The following SREK1IP1 variants were observed in gnomAD, a reference collection of about 807,000 sequenced individuals.
SREK1IP1 encodes SREK1 interacting protein 1.
Under a neutral mutation model 22.8 loss-of-function variants are expected in SREK1IP1, and 12 were observed. That is an observed-to-expected ratio of 0.53 (90% CI 0.34 to 0.85). The LOEUF is 0.85. Ranked by LOEUF, SREK1IP1 falls within the 40% of genes least tolerant of loss-of-function variation. SREK1IP1 has a pLI of 0.02. For synonymous variants in SREK1IP1, 53 were observed against 52.7 expected (o/e 1.01, Z -0.02); for missense variants, 147 against 171.8 (o/e 0.86, Z 0.81).
chr5:64,744,612 C>A (rs1375034818), intron 2 of SREK1IP1, among the ~76,000 whole-genome samples: 1 of 152,174 alleles, frequency 6.6e-6, no homozygotes, highest in Non-Finnish European at 1.5e-5. Flanking sequence ...AGTGGAATAT[C>A]AGCAATGTTC....
rs1742118807 is a variant in SREK1IP1 at position 64,719,427 on chromosome 5, A to C, written c.*4957T>G. On this transcript the variant is annotated 3_prime_UTR_variant, in exon 5 of 5. Transcript: ENST00000513458. ...ATTTTACACGGCCATAAAAACAAAGAATTTTCACTTATTTTTTGTGAAAGT... is the reference window on the plus strand; with the variant it reads ...ATTTTACACGGCCATAAAAACAAAGCATTTTCACTTATTTTTTGTGAAAGT... 6.6e-6 allele frequency: 1 copy of C among 152,194 alleles called. No individual in the cohort carries two copies. Among genetic ancestry groups the C allele is most frequent in the Non-Finnish European group, 1.5e-5 (1 of 68,030 alleles). The allele number at this position is 152,194 out of a possible 1,614,324, so 9.4% of individuals were successfully genotyped here. A position where few individuals can be genotyped will look rare whatever the true frequency, so the allele number is the denominator to read the frequency against.
chr5:64,739,650 C>T (rs1436413114), intron 3 of SREK1IP1, among the ~76,000 whole-genome samples: 7 of 152,122 alleles, frequency 4.6e-5, no homozygotes, highest in African/African-American at 1.7e-4. Flanking sequence ...AACTCAGTTT[C>T]TTTGCCCTTG....
Position 64,722,197 on chromosome 5 carries a change from A to G in SREK1IP1, c.*2187T>C, listed in dbSNP as rs1347955870. The stretch of plus-strand genomic sequence containing the variant: ...TATGGGAAATTTACTTAGAAATGCC[A>G]ACATCATTTCTGGGGGGAAAATTAC... On this transcript the variant is annotated 3_prime_UTR_variant, in exon 5 of 5. Coordinates refer to ENST00000513458, the MANE Select transcript of SREK1IP1 (RefSeq NM_173829.4). 1 of 152,192 alleles carries G rather than the reference A, an allele frequency of 6.6e-6. No individual in the cohort carries two copies. Among genetic ancestry groups the G allele is most frequent in the Non-Finnish European group, 1.5e-5 (1 of 68,030 alleles). 9.4% of individuals were successfully genotyped at this position (152,192 alleles called of 1,614,324 possible).
rs188829632 is a variant in SREK1IP1, at chr5:64,759,774, A to G, written c.14-5412T>C. Among the ~76,000 whole-genome samples the G allele has an allele frequency of 4.5e-3, 684 of 152,338 alleles. 4 individuals carry two copies. The highest frequency in any genetic ancestry group is 7.1e-3 in the Non-Finnish European group (485 of 68,040). The stretch of plus-strand genomic sequence containing the variant: ...TGCTCAGTCTTACTTAAAACAGGTA[A>G]AATGTACACTAAAAACTATACTGGG... On this transcript the variant is annotated intron_variant, in intron 1 of 4. Coordinates refer to ENST00000513458, the MANE Select transcript of SREK1IP1 (RefSeq NM_173829.4).
intron 2 of SREK1IP1, among the ~76,000 whole-genome samples, chr5:64,746,187 C>G (rs6449752): frequency 0.067 from 10,145 of 152,060 alleles, 1,108 homozygotes; most frequent in African/African-American, 0.23. Context: ...TGTAGTTGGA[C>G]CCCTCACCTC....
chr5:64,768,690 A>G lies in SREK1IP1; in HGVS notation c.-173T>C. ...CCTCTAGCGACGGCAGAACCAGTAGATGCGGATGCAGTTTCCGGACGAGTC... is the reference window on the plus strand; with the variant it reads ...CCTCTAGCGACGGCAGAACCAGTAGGTGCGGATGCAGTTTCCGGACGAGTC... On this transcript the variant is annotated 5_prime_UTR_variant, in exon 1 of 5. Transcript: ENST00000513458. 1 of 767,004 alleles carries G rather than the reference A, an allele frequency of 1.3e-6. No homozygotes were observed. The highest frequency in any genetic ancestry group is 2.2e-6 in the Non-Finnish European group (1 of 463,518). 47.5% of individuals were successfully genotyped at this position (767,004 alleles called of 1,614,324 possible). A position where few individuals can be genotyped will look rare whatever the true frequency, so the allele number is the denominator to read the frequency against.
At chr5:64,764,142 A>G (rs1334578431) in intron 1 of SREK1IP1, among the ~76,000 whole-genome samples, 1 of 152,198 alleles carries the variant, frequency 6.6e-6, no homozygotes, top group African/African-American at 2.4e-5. Context: ...AGCTTTAAAA[A>G]AAAAATCACA....
chr5:64,722,518 A>G lies in SREK1IP1; in HGVS notation c.*1866T>C, dbSNP rs1260305536. 1 of 152,186 alleles carries G rather than the reference A, an allele frequency of 6.6e-6. No homozygotes were observed. The highest frequency in any genetic ancestry group is 1.5e-5 in the Non-Finnish European group (1 of 68,038). 9.4% of individuals were successfully genotyped at this position (152,186 alleles called of 1,614,324 possible). Reference sequence around the variant, plus strand: ...TAGTCAAGTCAAGCAGTGGGAGTAAAGAAACACCACTGCACTTGTGCCAGC... The same window carrying G: ...TAGTCAAGTCAAGCAGTGGGAGTAAGGAAACACCACTGCACTTGTGCCAGC... On this transcript the variant is annotated 3_prime_UTR_variant, in exon 5 of 5. Coordinates refer to ENST00000513458, the MANE Select transcript of SREK1IP1 (RefSeq NM_173829.4).
intron 3 of SREK1IP1, among the ~76,000 whole-genome samples, chr5:64,737,786 A>G (rs146425717): frequency 1.8e-4 from 28 of 152,282 alleles, no homozygotes; most frequent in African/African-American, 6.5e-4. Flanking sequence ...ATATAACTAT[A>G]TAAGAGAATA....
At chr5:64,756,123 G>C (rs1376125409) in intron 1 of SREK1IP1, among the ~76,000 whole-genome samples, 2 of 152,006 alleles carry the variant, frequency 1.3e-5, no homozygotes, top group African/African-American at 4.8e-5. Flanking sequence ...ATAGATACCA[G>C]AGACAAATTA....
chr5:64,728,146 TTTTC>T lies in SREK1IP1; in HGVS notation c.235_238del (p.Glu79LysfsTer8). ...TTTCAATTTGATTTTTTCTTTGCTT[TTTTC>T]TTTCTTCTTTTCCTCTTCTTCATTT... On this transcript the variant is annotated frameshift_variant, in exon 4 of 5. Coordinates refer to ENST00000513458, the MANE Select transcript of SREK1IP1 (RefSeq NM_173829.4). LOFTEE classifies it high-confidence loss of function. 1 of 1,442,114 alleles carries T rather than the reference TTTTC, an allele frequency of 6.9e-7. No homozygotes were observed. The highest frequency in any genetic ancestry group is 9.2e-7 in the Non-Finnish European group (1 of 1,092,208). 89.3% of individuals were successfully genotyped at this position (1,442,114 alleles called of 1,614,324 possible). A position where few individuals can be genotyped will look rare whatever the true frequency, so the allele number is the denominator to read the frequency against.
Position 64,733,750 on chromosome 5 carries a change from A to G in SREK1IP1, c.206-5571T>C, listed in dbSNP as rs373018411. On this transcript the variant is annotated intron_variant, in intron 3 of 4. Transcript: ENST00000513458. ...CCCAAACTGACAATCCAGTGGATAA[A>G]TACTTAATACTTAAACAAACAGTAG... is the stretch of plus-strand genomic sequence containing the variant. Among the ~76,000 whole-genome samples the G allele has an allele frequency of 2.6e-4, 40 of 152,278 alleles. No individual in the cohort carries two copies. The East Asian group carries it at 6.8e-3, about 26-fold the overall frequency.
intron 3 of SREK1IP1, among the ~76,000 whole-genome samples, chr5:64,736,600 T>C (rs1742465864): frequency 6.6e-6 from 1 of 152,070 alleles, no homozygotes; most frequent in African/African-American, 2.4e-5. Flanking sequence ...TAGCTGATGT[T>C]ACAGGCATGC....
intron 3 of SREK1IP1, among the ~76,000 whole-genome samples, chr5:64,740,541 G>C (rs1186041088): frequency 1.3e-5 from 2 of 152,180 alleles, no homozygotes; most frequent in Non-Finnish European, 2.9e-5. Context: ...CTGGGGAGCT[G>C]TATTGGCATG....
At chr5:64,762,968 C>T (rs534994575) in intron 1 of SREK1IP1, among the ~76,000 whole-genome samples, 2 of 152,294 alleles carry the variant, frequency 1.3e-5, no homozygotes, top group South Asian at 4.1e-4. Context: ...ATGAGAATCA[C>T]TTGAACCCAG....
At chr5:64,755,832 T>A (rs916099066) in intron 1 of SREK1IP1, among the ~76,000 whole-genome samples, 21 of 151,854 alleles carry the variant, frequency 1.4e-4, no homozygotes, top group African/African-American at 5.1e-4. Flanking sequence ...TAAAATAATT[T>A]ATATATATAT....
chr5:64,728,907 A>G (rs1178294102), intron 3 of SREK1IP1, among the ~76,000 whole-genome samples: 1 of 152,192 alleles, frequency 6.6e-6, no homozygotes, highest in East Asian at 1.9e-4. Flanking sequence ...TTTAAAGAAA[A>G]AGCAGGCTGG....
At chr5:64,738,422 T>G (rs1742500302) in intron 3 of SREK1IP1, among the ~76,000 whole-genome samples, 1 of 152,196 alleles carries the variant, frequency 6.6e-6, no homozygotes, top group Non-Finnish European at 1.5e-5. Flanking sequence ...TAAAGCAATC[T>G]ATGAATTCAA....
At chr5:64,732,136 C>T (rs1014021984) in intron 3 of SREK1IP1, among the ~76,000 whole-genome samples, 2 of 152,018 alleles carry the variant, frequency 1.3e-5, no homozygotes, top group African/African-American at 4.8e-5. Context: ...CTGGTCAATG[C>T]CATTTGTCCT....
Sources: gnomAD v4.1 joint callset for allele counts (sites outside exome capture counted in the v4.1 genomes callset) on GRCh38, gnomAD v4.1.1 for gene constraint, MANE v1.5 for transcripts, NCBI Gene and HGNC (gene_info 2026-07-23, HGNC 2026-07-21) for gene names.